Variants in GRIN2C observed in about 807,000 individuals in gnomAD.
GRIN2C encodes the protein glutamate ionotropic receptor NMDA type subunit 2C.
In GRIN2C, 64 loss-of-function variants were observed where a neutral mutation model predicts 77.7. The ratio of observed to expected loss-of-function variants is 0.82; its 90% confidence interval spans 0.67 to 1.01. The LOEUF (loss-of-function observed/expected upper bound fraction) is 1.01, where lower values mean the gene tolerates loss of function less well. Among genes scored for constraint, GRIN2C ranks in the 50% least tolerant of loss-of-function variants. GRIN2C has a pLI of 0.00. For missense variants in GRIN2C, 1,549 were observed against 1,486.0 expected (o/e 1.04, Z -0.70); for synonymous variants, 792 against 643.4 (o/e 1.23, Z -3.49).
At chr17:74,845,963 C>G in intron 11 of GRIN2C, 103 bp downstream of exon 11, 8 of 1,087,444 alleles carry the variant, frequency 7.4e-6, no homozygotes, top group Non-Finnish European at 9.7e-6. Flanking sequence ...CCCCAGAGAC[C>G]TCTCCCTGCT....
At chr17:74,844,017 G>C in intron 12 of GRIN2C, 1 of 647,602 alleles carries the variant, frequency 1.5e-6, no homozygotes, top group South Asian at 2.2e-5. Context: ...GGGACTGCAG[G>C]CGCGCACCAC....
chr17:74,850,543 GC>G lies in GRIN2C; in HGVS notation c.1325+12del, dbSNP rs776789297. 4 of 1,611,670 alleles carry G rather than the reference GC, an allele frequency of 2.5e-6. No individual in the cohort carries two copies. The highest frequency in any genetic ancestry group is 3.4e-6 in the Non-Finnish European group (4 of 1,178,306). ...ACCCAGCTCACACTAGCCTCCCAGGGCCCTCCACAGACCTGAAGGTGTGGTT... is the reference window on the plus strand; with the variant it reads ...ACCCAGCTCACACTAGCCTCCCAGGGCCTCCACAGACCTGAAGGTGTGGTT... On this transcript the variant is annotated intron_variant, in intron 5 of 12. Transcript: ENST00000293190. This position sits in a 1 kb window ranked among gnomAD's most constrained non-coding sequence, Gnocchi z 5.3.
In GRIN2C at chr17:74,846,802, T is replaced by C. The variant is rs1280788438; in HGVS notation, c.2120A>G (p.Asn707Ser). 4.3e-6 allele frequency: 7 copies of C among 1,613,966 alleles called. No homozygotes were observed. The Middle Eastern group carries it at 8.2e-4, about 189-fold the overall frequency. The change falls in exon 10 of 13, where the codon AAC becomes AGC. Residue 707 changes from asparagine to serine, a missense_variant. By Grantham distance (46) the Asn-to-Ser change is conservative (BLOSUM62 1). Around this residue, in one of 3 missense-constraint regions of GRIN2C, gnomAD observed 717 missense variants for 858.1 expected, o/e 0.84. Transcript: ENST00000293190. This position sits in a 1 kb window ranked among gnomAD's most constrained non-coding sequence, Gnocchi z 4.4. ...RDMHTHMVKF[N>S]QRSVEDALTS... is the part of the protein sequence containing the mutation. ...GAGCGCGTCCTCCACCGAGCGCTGGTTGAACTTGACCATGTGGGTGTGCAT... is the reference window on the plus strand; with the variant it reads ...GAGCGCGTCCTCCACCGAGCGCTGGCTGAACTTGACCATGTGGGTGTGCAT...
At chr17:74,852,803 C>T in intron 2 of GRIN2C, 192 bp from the exon 3 acceptor site, 1 of 433,646 alleles carries the variant, frequency 2.3e-6, no homozygotes, top group Non-Finnish European at 4.0e-6. Context: ...ATGGTCATGC[C>T]CGGCCCCCAG....
Position 74,852,158 on chromosome 17 carries a change from G to A in GRIN2C, c.853C>T (p.Leu285=), listed in dbSNP as rs1329197434. Residue 285 remains leucine, a synonymous_variant, in exon 3 of 13, where the codon CTG becomes TTG. Transcript: ENST00000293190. The part of the protein sequence containing the change: ...SVVTESWRLS[L]RQKVRDGVAI... Reference sequence around the variant, plus strand: ...ACGCCGTCGCGCACCTTCTGGCGCAGGCTGAGGCGCCAGCTCTCGGTGACG... The same window carrying A: ...ACGCCGTCGCGCACCTTCTGGCGCAAGCTGAGGCGCCAGCTCTCGGTGACG... 6 of 1,456,950 alleles carry A rather than the reference G, an allele frequency of 4.1e-6. No homozygotes were observed. The highest frequency in any genetic ancestry group is 2.9e-5 in the African/African-American group (2 of 68,154). 90.3% of individuals were successfully genotyped at this position (1,456,950 alleles called of 1,614,324 possible).
At chr17:74,848,468 C>A (rs969559059) in intron 7 of GRIN2C, among the ~76,000 whole-genome samples, 1 of 152,150 alleles carries the variant, frequency 6.6e-6, no homozygotes, top group Admixed American at 6.5e-5. Flanking sequence ...AATCCCAGCA[C>A]TTTGGGAGGA....
At position 74,855,051 on chromosome 17, in the gene GRIN2C, GA is replaced by G. The variant is rs747401202; in HGVS notation, c.41del (p.Leu14ProfsTer17). On this transcript the variant is annotated frameshift_variant, in exon 2 of 13. Transcript: ENST00000293190. LOFTEE classifies it high-confidence loss of function. ...GACCCAGCCCTGCCCAGGCACCGAA[GA>G]GCGAGGTGAGCAACAGGGCCGGCCC... ...ALGPALLLTS[L>X]FGAWAGLGPG... 2.5e-6 allele frequency: 4 copies of G among 1,597,638 alleles called. No homozygotes were observed. The highest frequency in any genetic ancestry group is 2.5e-6 in the Non-Finnish European group (3 of 1,178,088).
chr17:74,860,353 C>T, upstream of GRIN2C: 1 of 450,894 alleles, frequency 2.2e-6, no homozygotes, highest in Non-Finnish European at 4.5e-6. Context: ...GGCTGGGGGA[C>T]CGAGCCAGAA....
intron 11 of GRIN2C, among the ~76,000 whole-genome samples, chr17:74,844,729 T>C (rs533566963): frequency 3.3e-5 from 5 of 152,224 alleles, no homozygotes; most frequent in Admixed American, 2.6e-4. Flanking sequence ...GGGTGGAGGC[T>C]GGAGTGGGCA....
chr17:74,858,939 C>T (rs1380377616), intron 1 of GRIN2C, among the ~76,000 whole-genome samples: 3 of 152,128 alleles, frequency 2.0e-5, no homozygotes, highest in Non-Finnish European at 2.9e-5. Context: ...CCCACAGGCA[C>T]CTGCCTTGAT....
Position 74,843,191 on chromosome 17 carries a change from CG to C in GRIN2C, c.2945del (p.Pro982ArgfsTer229), listed in dbSNP as rs1279074849. 4.9e-6 allele frequency: 2 copies of C among 411,266 alleles called. No individual in the cohort carries two copies. Among genetic ancestry groups the C allele is most frequent in the Non-Finnish European group, 8.2e-6 (2 of 242,828 alleles). The allele number at this position is 411,266 out of a possible 1,614,324, so 25.5% of individuals were successfully genotyped here. On this transcript the variant is annotated frameshift_variant, in exon 13 of 13. Coordinates refer to ENST00000293190, the MANE Select transcript of GRIN2C (RefSeq NM_000835.6). LOFTEE classifies it low-confidence loss of function (END_TRUNC). ...CGTCGGACAGGGGCGGCCCCGGCGTCGGGGGGCGGCCCGGGGGCTGCGGAGC... is the reference window on the plus strand; with the variant it reads ...CGTCGGACAGGGGCGGCCCCGGCGTCGGGGGCGGCCCGGGGGCTGCGGAGC... Reference protein sequence around the residue: ...RRAPQPPGRPPTPGPPLSDVS... With the variant: ...RRAPQPPGRPXTPGPPLSDVS...
At chr17:74,858,860 C>T (rs2683267) in intron 1 of GRIN2C, among the ~76,000 whole-genome samples, 102,219 of 151,692 alleles carry the variant, frequency 0.67, 35,357 homozygotes, top group Admixed American at 0.77. Flanking sequence ...GTTCCAGCAT[C>T]CCCCAGGCTG....
Position 74,847,316 on chromosome 17 carries a change from C to T in GRIN2C, c.1993G>A (p.Asp665Asn), listed in dbSNP as rs1248734972. The T allele has an allele frequency of 8.4e-7, 1 of 1,191,606 alleles. No individual in the cohort carries two copies. Among genetic ancestry groups the T allele is most frequent in the Non-Finnish European group, 1.2e-6 (1 of 866,630 alleles). The allele number at this position is 1,191,606 out of a possible 1,614,324, so 73.8% of individuals were successfully genotyped here. The change falls in exon 9 of 13, where the codon GAC becomes AAC. Residue 665 changes from aspartate (D) to asparagine (N), a missense_variant. By Grantham distance (23) the Asp-to-Asn change is conservative. Around this residue, in one of 3 missense-constraint regions of GRIN2C, gnomAD observed 717 missense variants for 858.1 expected, o/e 0.84. Transcript: ENST00000293190. This position sits in a 1 kb window ranked among gnomAD's most constrained non-coding sequence, Gnocchi z 5.2. ...AGCTATGGCCCCACAACCTTCTTGTCACTGAGGCCCGACACAGTGTCGATG... is the reference window on the plus strand; with the variant it reads ...AGCTATGGCCCCACAACCTTCTTGTTACTGAGGCCCGACACAGTGTCGATG... ...QYIDTVSGLS[D>N]KKFQRPQDQY...
At position 74,847,643 on chromosome 17, in the gene GRIN2C, G is replaced by C. The variant is rs143231777; in HGVS notation, c.1772-106C>G. 7.6e-4 allele frequency: 711 copies of C among 939,396 alleles called. 5 individuals are homozygous for C. In the African/African-American group the frequency reaches 9.8e-3, roughly 13 times the overall value. 58.2% of individuals were successfully genotyped at this position (939,396 alleles called of 1,614,324 possible). Reference sequence around the variant, plus strand: ...CAGCTCCGGTCTCAGCCTGGCCTTGGGGGGGACGCGTCCTGGCCATTCCCT... The same window carrying C: ...CAGCTCCGGTCTCAGCCTGGCCTTGCGGGGGACGCGTCCTGGCCATTCCCT... On this transcript the variant is annotated intron_variant, in intron 8 of 12. Coordinates refer to ENST00000293190, the MANE Select transcript of GRIN2C (RefSeq NM_000835.6). This position sits in a 1 kb window ranked among gnomAD's most constrained non-coding sequence, Gnocchi z 5.2.
chr17:74,842,618 G>A lies in GRIN2C; in HGVS notation c.3519C>T (p.Ser1173=). 1 of 759,944 alleles carries A rather than the reference G, an allele frequency of 1.3e-6. No homozygotes were observed. Among genetic ancestry groups the A allele is most frequent in the East Asian group, 2.5e-5 (1 of 40,248 alleles). The allele number at this position is 759,944 out of a possible 1,614,324, so 47.1% of individuals were successfully genotyped here. A position where few individuals can be genotyped will look rare whatever the true frequency, so the allele number is the denominator to read the frequency against. ...AVCPHLPPCA[S]HGSWLSGAWG... ...AGGCCCCGGAGAGCCAGGAGCCGTG[G>A]CTGGCACAGGGTGGAAGGTGAGGAC... Residue 1173 remains serine (S), a synonymous_variant, in exon 13 of 13, where the codon AGC becomes AGT. Transcript: ENST00000293190.
chr17:74,843,433 C>T lies in GRIN2C; in HGVS notation c.2704G>A (p.Asp902Asn), dbSNP rs1485203020. The change falls in exon 13 of 13, where the codon GAC becomes AAC. Residue 902 changes from aspartate (D) to asparagine (N), a missense_variant. Coordinates refer to ENST00000293190, the MANE Select transcript of GRIN2C (RefSeq NM_000835.6). ...SVLKMLQAARDMVTTAGVSSS... is the reference protein window; with the variant it reads ...SVLKMLQAARNMVTTAGVSSS... ...CTTACGCCCGCCGTGGTCACCATGT[C>T]GCGGGCTGCCTGCAGCATCTTGAGC... The T allele has an allele frequency of 2.0e-6, 3 of 1,535,830 alleles. No individual in the cohort carries two copies. Among genetic ancestry groups the T allele is most frequent in the Middle Eastern group, 2.2e-4 (1 of 4,574 alleles).
In GRIN2C at chr17:74,850,419, GCCCAGCCCCGC is replaced by G; in HGVS notation, c.1326-59_1326-49del. On this transcript the variant is annotated intron_variant, in intron 5 of 12. Transcript: ENST00000293190. This position sits in a 1 kb window ranked among gnomAD's most constrained non-coding sequence, Gnocchi z 5.3. ...CCACCGGGAGTCAGAGTATGTCGTG[GCCCAGCCCCGC>G]CCCAGCCACTCCTCCAGCCTGGCAC... 6.3e-7 allele frequency: 1 copy of G among 1,590,262 alleles called. No homozygotes were observed. The highest frequency in any genetic ancestry group is 1.3e-5 in the African/African-American group (1 of 74,616).
At position 74,849,017 on chromosome 17, in the gene GRIN2C, CAA is replaced by C. The variant is rs60336063; in HGVS notation, c.1645+761_1645+762del. ...TGGGTGACAGAGGAACACCCTGTCT[CAA>C]AAAAAAAAAGGAAGGAAAGAAGAAA... On this transcript the variant is annotated intron_variant, in intron 7 of 12. Transcript: ENST00000293190. The surrounding 1 kb of genome is among the most constrained non-coding windows in gnomAD (Gnocchi z 4.6). Among the ~76,000 whole-genome samples the C allele has an allele frequency of 3.7e-5, 3 of 80,674 alleles. No individual in the cohort carries two copies. Among genetic ancestry groups the C allele is most frequent in the Admixed American group, 1.5e-4 (1 of 6,554 alleles). 52.9% of individuals were successfully genotyped at this position (80,674 alleles called of 152,430 possible).
chr17:74,846,131 G>T lies in GRIN2C; in HGVS notation c.2285C>A (p.Ala762Asp). The change falls in exon 11 of 13, where the codon GCC (alanine) becomes GAC (aspartate). Residue 762 changes from alanine (A) to aspartate (D), a missense_variant. Physicochemically the swap from Ala to Asp is moderately radical, Grantham distance 126 (BLOSUM62 -2). Coordinates refer to ENST00000293190, the MANE Select transcript of GRIN2C (RefSeq NM_000835.6). The surrounding 1 kb of genome is among the most constrained non-coding windows in gnomAD (Gnocchi z 4.4). Reference sequence around the variant, plus strand: ...CTTCCAGTGGGAGTCCTTCTGCATGGCGATGCCGTAGCCAGTGGTAGCAAA... The same window carrying T: ...CTTCCAGTGGGAGTCCTTCTGCATGTCGATGCCGTAGCCAGTGGTAGCAAA... ...KVFATTGYGIAMQKDSHWKRA... is the reference protein window; with the variant it reads ...KVFATTGYGIDMQKDSHWKRA... 4 of 1,614,192 alleles carry T rather than the reference G, an allele frequency of 2.5e-6. No homozygotes were observed. Among genetic ancestry groups the T allele is most frequent in the Non-Finnish European group, 2.5e-6 (3 of 1,180,014 alleles).
Sources: allele counts gnomAD v4.1 joint callset (sites outside exome capture counted in the v4.1 genomes callset), GRCh38; gene constraint gnomAD v4.1.1; regional missense constraint gnomAD v4.1.1; non-coding constraint Gnocchi (gnomAD v3.1); transcripts MANE v1.5; gene names NCBI Gene and HGNC (gene_info 2026-07-23, HGNC 2026-07-21).